The following C1orf105 variants were observed in gnomAD, a reference collection of about 807,000 sequenced individuals.
C1orf105 encodes the protein chromosome 1 open reading frame 105.
A neutral mutation model predicts 20.8 loss-of-function variants in C1orf105; 17 were observed. That is an observed-to-expected ratio of 0.82 (90% CI 0.56 to 1.23). The LOEUF is 1.23. Ranked by LOEUF, C1orf105 falls within the 50% of genes most tolerant of loss-of-function variation. The probability of loss-of-function intolerance (pLI) is 0.00; values close to 1 mark genes in which losing one functional copy is unlikely to be tolerated. For synonymous variants in C1orf105, 72 were observed against 72.1 expected, an observed-to-expected ratio of 1.00 and a Z score of 0.01; for missense variants, 219 against 213.5, an observed-to-expected ratio of 1.03 and a Z score of -0.16.
chr1:172,443,642 G>A (rs1316438707), intron 1 of C1orf105: 1 of 167,046 alleles, frequency 6.0e-6, no homozygotes, highest in Non-Finnish European at 1.5e-5. Context: ...CATATTGCCC[G>A]ACTTTATTTC....
At chr1:172,452,875 G>T (rs1027978291) in intron 3 of C1orf105, 1 of 1,465,392 alleles carries the variant, frequency 6.8e-7, no homozygotes, top group East Asian at 2.5e-5. Context: ...TAAAACCAGA[G>T]CATTGTACTG....
In C1orf105 at chr1:172,448,439, A is replaced by C; in HGVS notation, c.108-2A>C. 1 of 1,594,538 alleles carries C rather than the reference A, an allele frequency of 6.3e-7. No individual in the cohort carries two copies. Among genetic ancestry groups the C allele is most frequent in the Non-Finnish European group, 8.6e-7 (1 of 1,164,036 alleles). ...TAACGTTCTCTTGTTTTAATTACTT[A>C]GATATCCTCATACCTCTGCGACTTT... On this transcript the variant is annotated splice_acceptor_variant, in intron 2 of 6. Coordinates refer to ENST00000367727, the MANE Select transcript of C1orf105 (RefSeq NM_139240.4). LOFTEE classifies it high-confidence loss of function.
intron 4 of C1orf105, among the ~76,000 whole-genome samples, chr1:172,457,991 G>A (rs573954364): frequency 2.1e-4 from 32 of 152,320 alleles, no homozygotes; most frequent in African/African-American, 6.7e-4. Flanking sequence ...TGTAGTCACT[G>A]TGATACCCCT....
intron 3 of C1orf105, among the ~76,000 whole-genome samples, chr1:172,455,183 C>G (rs534787475): frequency 7.2e-5 from 11 of 152,284 alleles, no homozygotes; most frequent in African/African-American, 2.6e-4. Flanking sequence ...AAGAATCCAA[C>G]TTTGTTAACA....
At chr1:172,452,948 A>C in intron 3 of C1orf105, 6 of 1,539,320 alleles carry the variant, frequency 3.9e-6, no homozygotes, top group Non-Finnish European at 5.3e-6. Context: ...AAGGAAACCG[A>C]GTGAGAAGGG....
intron 5 of C1orf105, among the ~76,000 whole-genome samples, chr1:172,463,303 C>T (rs1649824482): frequency 6.6e-6 from 1 of 152,170 alleles, no homozygotes; most frequent in African/African-American, 2.4e-5. Flanking sequence ...TAATTTTTTC[C>T]TCATACAGTC....
At position 172,442,019 on chromosome 1, in the gene C1orf105, T is replaced by A. The variant is rs1573853653; in HGVS notation, c.22-3054T>A. On this transcript the variant is annotated intron_variant, in intron 1 of 6. Transcript: ENST00000367727. ...AAAATCTGAATGGCAAATGTCACCA[T>A]GATGAAGGCATGCAGGGACCGGGGA... The A allele has an allele frequency of 6.2e-7, 1 of 1,614,178 alleles. No individual in the cohort carries two copies. The highest frequency in any genetic ancestry group is 1.6e-4 in the Middle Eastern group (1 of 6,062).
Position 172,420,780 on chromosome 1 carries a change from T to G in C1orf105, c.-106T>G. 1 of 1,170,682 alleles carries G rather than the reference T, an allele frequency of 8.5e-7. No individual in the cohort carries two copies. The highest frequency in any genetic ancestry group is 1.2e-6 in the Non-Finnish European group (1 of 803,670). The allele number at this position is 1,170,682 out of a possible 1,614,324, so 72.5% of individuals were successfully genotyped here. ...TACTTCGTCTCCTAACAAAAAACAC[T>G]TTGGATTCAGGTTCTCCACAGCAGT... On this transcript the variant is annotated 5_prime_UTR_variant, in exon 1 of 7. Coordinates refer to ENST00000367727, the MANE Select transcript of C1orf105 (RefSeq NM_139240.4).
chr1:172,455,978 A>G (rs115825779), intron 3 of C1orf105, among the ~76,000 whole-genome samples: 2 of 152,306 alleles, frequency 1.3e-5, no homozygotes, highest in East Asian at 3.9e-4. Flanking sequence ...TCTTCTCTTC[A>G]TTCTTTCTTA....
intron 1 of C1orf105, among the ~76,000 whole-genome samples, chr1:172,433,337 T>C (rs1002030631): frequency 2.0e-5 from 3 of 152,120 alleles, no homozygotes; most frequent in Non-Finnish European, 4.4e-5. Context: ...GAAAAAATGT[T>C]AAGGGCAGCC....
intron 1 of C1orf105, among the ~76,000 whole-genome samples, chr1:172,422,094 T>G (rs2071605860): frequency 6.6e-6 from 1 of 152,126 alleles, no homozygotes; most frequent in Admixed American, 6.5e-5. Flanking sequence ...CCTAGTGCTG[T>G]GCTGGGCTCT....
intron 1 of C1orf105, chr1:172,441,871 G>C: frequency 6.2e-7 from 1 of 1,614,184 alleles, no homozygotes; most frequent in Non-Finnish European, 8.5e-7. Context: ...AAAGAGTACG[G>C]CTCCCACAGC....
At chr1:172,438,418 C>T (rs1009535064) in intron 1 of C1orf105, among the ~76,000 whole-genome samples, 8 of 152,030 alleles carry the variant, frequency 5.3e-5, no homozygotes, top group African/African-American at 1.4e-4. Context: ...CTGAGAGGTT[C>T]GAGACTTCAG....
intron 5 of C1orf105, among the ~76,000 whole-genome samples, chr1:172,463,146 T>C (rs1267687351): frequency 6.6e-6 from 1 of 152,170 alleles, no homozygotes; most frequent in Non-Finnish European, 1.5e-5. Context: ...TGTTTTTACT[T>C]TATTACAACA....
chr1:172,451,864 ATTCTTTTT>A (rs1324782152), intron 3 of C1orf105, among the ~76,000 whole-genome samples: 1 of 60,578 alleles, frequency 1.7e-5, no homozygotes, highest in Non-Finnish European at 3.2e-5. Context: ...CTTTATATGG[ATTCTTTTT>A]TTTTTTTTTT....
chr1:172,445,550 T>A (rs886924275), intron 2 of C1orf105, among the ~76,000 whole-genome samples: 1 of 152,208 alleles, frequency 6.6e-6, no homozygotes, highest in East Asian at 1.9e-4. Context: ...GAATAGTAAC[T>A]CTGTATGTAA....
chr1:172,435,880 T>C (rs1234151131), intron 1 of C1orf105, among the ~76,000 whole-genome samples: 1 of 152,230 alleles, frequency 6.6e-6, no homozygotes, highest in African/African-American at 2.4e-5. Flanking sequence ...CTTAAGCTGA[T>C]AAGCAACTTC....
In C1orf105 at chr1:172,448,542, AT is replaced by A; in HGVS notation, c.198+16del. 6.4e-7 allele frequency: 1 copy of A among 1,556,608 alleles called. No individual in the cohort carries two copies. Among genetic ancestry groups the A allele is most frequent in the Non-Finnish European group, 8.9e-7 (1 of 1,128,728 alleles). ...GATGTTTTATCTAAGGTACTAAAAA[AT>A]TTTTGTTGAAATGAAACCAACAGCA... On this transcript the variant is annotated intron_variant, in intron 3 of 6. Transcript: ENST00000367727.
At chr1:172,428,310 G>A (rs1346906874) in intron 1 of C1orf105, among the ~76,000 whole-genome samples, 2 of 152,282 alleles carry the variant, frequency 1.3e-5, no homozygotes, top group East Asian at 3.9e-4. Flanking sequence ...TTGCCCTACA[G>A]CAACCAGAAT....
Sources: allele counts gnomAD v4.1 joint callset (sites outside exome capture counted in the v4.1 genomes callset), GRCh38; gene constraint gnomAD v4.1.1; transcripts MANE v1.5; gene names NCBI Gene and HGNC (gene_info 2026-07-23, HGNC 2026-07-21).